ATG7: variants seen among roughly 807,000 people sequenced by gnomAD.
The protein encoded by ATG7 is autophagy related 7, also known as ubiquitin-like modifier-activating enzyme ATG7.
In ATG7, 70 loss-of-function variants were observed where a neutral mutation model predicts 82.4. The observed-to-expected ratio is 0.85, with a 90% CI of 0.70 to 1.04. ATG7 has a LOEUF of 1.04. Among genes scored for constraint, ATG7 ranks in the 50% least tolerant of loss-of-function variants. The probability of loss-of-function intolerance (pLI) is 0.00; values close to 1 mark genes in which losing one functional copy is unlikely to be tolerated. For missense variants in ATG7, 792 were observed against 864.3 expected, an observed-to-expected ratio of 0.92 and a Z score of 1.05; for synonymous variants, 287 against 313.0, an observed-to-expected ratio of 0.92 and a Z score of 0.88.
intron 20 of ATG7, among the ~76,000 whole-genome samples, chr3:11,461,312 G>A (rs550120864): frequency 3.3e-5 from 5 of 152,262 alleles, no homozygotes; most frequent in Non-Finnish European, 7.4e-5. Flanking sequence ...TAGTGATTGG[G>A]GTCAGAAATG....
chr3:11,569,895 T>G, the ATG7 span, among the ~76,000 whole-genome samples: 3 of 152,108 alleles, frequency 2.0e-5, no homozygotes, highest in African/African-American at 7.2e-5. Flanking sequence ...TAAATAAGAT[T>G]GCTAGCACAT....
chr3:11,548,729 G>T (rs2125053098), intron 20 of ATG7, among the ~76,000 whole-genome samples: 1 of 152,352 alleles, frequency 6.6e-6, no homozygotes, highest in South Asian at 2.1e-4. Context: ...GGCCACAGTA[G>T]TCCAGGTGTG....
chr3:11,419,957 T>A (rs2081783287), intron 19 of ATG7, among the ~76,000 whole-genome samples: 2 of 152,194 alleles, frequency 1.3e-5, no homozygotes, highest in African/African-American at 4.8e-5. Flanking sequence ...TCAGAATATT[T>A]ACAGCCTTCC....
At chr3:11,434,015 C>A (rs2083147487) in intron 20 of ATG7, among the ~76,000 whole-genome samples, 1 of 152,122 alleles carries the variant, frequency 6.6e-6, no homozygotes, top group South Asian at 2.1e-4. Context: ...TCTCTCATAG[C>A]CAAAAAGTCA....
rs114402641 is a variant in ATG7, at chr3:11,455,757, C to T, written c.2079+28831C>T. 8.2e-3 allele frequency among the ~76,000 whole-genome samples: 1,253 copies of T among 152,290 alleles called. 13 individuals carry two copies. Among genetic ancestry groups the T allele is most frequent in the Non-Finnish European group, 0.013 (874 of 68,024 alleles). ...TTTAGTTCTACAGTTATGGATCCCA[C>T]CTTAATCAAGCTGATTTACTCACTG... On this transcript the variant is annotated intron_variant, in intron 20 of 20. Coordinates refer to ENST00000693202, the MANE Select transcript of ATG7 (RefSeq NM_001349232.2).
intron 20 of ATG7, among the ~76,000 whole-genome samples, chr3:11,496,933 C>T (rs939906500): frequency 1.1e-4 from 17 of 151,048 alleles, no homozygotes; most frequent in Non-Finnish European, 3.0e-5. Flanking sequence ...GATCTCGGCT[C>T]ACTGCAACCT....
chr3:11,397,173 AAT>A (rs1438540650), intron 19 of ATG7, among the ~76,000 whole-genome samples: 3 of 152,286 alleles, frequency 2.0e-5, no homozygotes, highest in African/African-American at 7.2e-5. Context: ...TTATACAAGC[AAT>A]ATATCTTAAA....
At chr3:11,392,780 T>C (rs1025528745) in intron 19 of ATG7, among the ~76,000 whole-genome samples, 4 of 152,198 alleles carry the variant, frequency 2.6e-5, no homozygotes, top group African/African-American at 7.2e-5. Context: ...GCTGAACTGA[T>C]TTTGTGGCTC....
intron 20 of ATG7, among the ~76,000 whole-genome samples, chr3:11,508,343 A>G (rs1430942068): frequency 2.0e-5 from 3 of 152,216 alleles, no homozygotes; most frequent in Non-Finnish European, 4.4e-5. Flanking sequence ...CTTAAAAAAA[A>G]AAAAAAAGAA....
chr3:11,405,251 A>G (rs759614275), intron 19 of ATG7, among the ~76,000 whole-genome samples: 7 of 152,200 alleles, frequency 4.6e-5, no homozygotes, highest in Non-Finnish European at 1.0e-4. Context: ...GAAGATTTAT[A>G]GAAGCTCTGA....
rs1039659236 is a variant in ATG7, at chr3:11,465,599, A to G, written c.2079+38673A>G. Among the ~76,000 whole-genome samples, 5 of 151,942 alleles carry G rather than the reference A, an allele frequency of 3.3e-5. No individual in the cohort carries two copies. In the East Asian group the frequency reaches 9.7e-4, roughly 29 times the overall value. Reference sequence around the variant, plus strand: ...GTCTACAAAAAGTTAGTAAAAAATAATAATAAAAAATAAAAATTAGCTGGG... The same window carrying G: ...GTCTACAAAAAGTTAGTAAAAAATAGTAATAAAAAATAAAAATTAGCTGGG... On this transcript the variant is annotated intron_variant, in intron 20 of 20. Coordinates refer to ENST00000693202, the MANE Select transcript of ATG7 (RefSeq NM_001349232.2).
At chr3:11,383,684 G>A (rs1331481150) in intron 19 of ATG7, among the ~76,000 whole-genome samples, 3 of 152,094 alleles carry the variant, frequency 2.0e-5, no homozygotes, top group Non-Finnish European at 2.9e-5. Context: ...TGCTGACCTC[G>A]TGATCCGCCC....
Position 11,498,847 on chromosome 3 carries a change from G to A in ATG7, c.2080-55964G>A, listed in dbSNP as rs2091081335. On this transcript the variant is annotated intron_variant, in intron 20 of 20. Transcript: ENST00000693202. Reference sequence around the variant, plus strand: ...CTGTGCTCCTTCTCTCTGAACTCCTGAAATGGCTGCCGATCCTAGGAGAGT... The same window carrying A: ...CTGTGCTCCTTCTCTCTGAACTCCTAAAATGGCTGCCGATCCTAGGAGAGT... Among the ~76,000 whole-genome samples, 4 of 152,186 alleles carry A rather than the reference G, an allele frequency of 2.6e-5. No homozygotes were observed. The South Asian group carries it at 8.3e-4, about 32-fold the overall frequency.
At chr3:11,362,695 C>T in intron 16 of ATG7, 118 bp from the exon 17 acceptor site, 1 of 727,636 alleles carries the variant, frequency 1.4e-6, no homozygotes, top group Non-Finnish European at 2.2e-6. Context: ...ATGTTCTTTG[C>T]CAACAATGAG....
At chr3:11,573,229 A>AGAAAG in the ATG7 span, among the ~76,000 whole-genome samples, 21 of 137,286 alleles carry the variant, frequency 1.5e-4, 1 homozygote, top group African/African-American at 6.1e-4. Context: ...AAAGACAGAC[A>AGAAAG]GAAAGAAAAG....
At chr3:11,551,818 A>G (rs995596204) in intron 20 of ATG7, among the ~76,000 whole-genome samples, 2 of 151,540 alleles carry the variant, frequency 1.3e-5, no homozygotes, top group African/African-American at 4.9e-5. Context: ...GTGCGATCTC[A>G]GCTCACTACA....
At chr3:11,307,434 G>A (rs1412323421) in intron 6 of ATG7, among the ~76,000 whole-genome samples, 1 of 152,216 alleles carries the variant, frequency 6.6e-6, no homozygotes, top group African/African-American at 2.4e-5. Flanking sequence ...GAGAGGCTTG[G>A]CAATCCTGTG....
At chr3:11,549,016 AACATATTGT>A (rs1373537213) in intron 20 of ATG7, among the ~76,000 whole-genome samples, 3 of 152,034 alleles carry the variant, frequency 2.0e-5, no homozygotes, top group Non-Finnish European at 4.4e-5. Context: ...TCACAAACAG[AACATATTGT>A]GAAGCAGTGA....
At chr3:11,458,839 T>C (rs2086017422) in intron 20 of ATG7, among the ~76,000 whole-genome samples, 1 of 152,154 alleles carries the variant, frequency 6.6e-6, no homozygotes, top group Non-Finnish European at 1.5e-5. Flanking sequence ...CGCGCAGCTG[T>C]AGGTGAGCGG....
Sources: gnomAD v4.1 joint callset for allele counts (sites outside exome capture counted in the v4.1 genomes callset) on GRCh38, gnomAD v4.1.1 for gene constraint, MANE v1.5 for transcripts, NCBI Gene and HGNC (gene_info 2026-07-23, HGNC 2026-07-21) for gene names.